The following DMD variants were observed in gnomAD, a reference collection of about 807,000 sequenced individuals.
DMD encodes the protein mutant dystrophin.
In DMD, 63 loss-of-function variants were observed where a neutral mutation model predicts 330.1. The observed-to-expected ratio is 0.19, with a 90% confidence interval of 0.16 to 0.24. DMD has a LOEUF of 0.24. Ranked by LOEUF, DMD falls within the 10% of genes least tolerant of loss-of-function variation. The pLI is 1.00. For synonymous variants in DMD, 1,223 were observed against 959.8 expected, an observed-to-expected ratio of 1.27 and a Z score of -5.07; for missense variants, 3,344 against 2,684.1, an observed-to-expected ratio of 1.25 and a Z score of -5.43.
chrX:32,839,874 C>G (rs907547907), intron 4 of DMD, among the ~76,000 whole-genome samples: 3 of 111,087 alleles, frequency 2.7e-5, no homozygotes, highest in African/African-American at 9.8e-5. Context: ...CCACGCTCAG[C>G]TAATTTTTGT....
intron 11 of DMD, among the ~76,000 whole-genome samples, chrX:32,642,138 G>A (rs1045427950): frequency 9.8e-5 from 11 of 111,747 alleles, no homozygotes; most frequent in Non-Finnish European, 7.5e-5. Context: ...TAGGTTTTAT[G>A]CACGAACACA....
intron 23 of DMD, among the ~76,000 whole-genome samples, chrX:32,467,094 A>T (rs1172452663): frequency 8.9e-6 from 1 of 112,169 alleles, no homozygotes; most frequent in Non-Finnish European, 1.9e-5. Context: ...ATAGGTATGC[A>T]TGTACACATA....
At chrX:32,323,196 A>T (rs886815955) in intron 41 of DMD, among the ~76,000 whole-genome samples, 1 of 112,088 alleles carries the variant, frequency 8.9e-6, no homozygotes, top group Non-Finnish European at 1.9e-5. Flanking sequence ...AATAATCTAG[A>T]GATGATATGA....
chrX:33,325,515 G>A (rs145366537), intron 1 of DMD, among the ~76,000 whole-genome samples: 32 of 112,099 alleles, frequency 2.9e-4, no homozygotes, highest in African/African-American at 1.0e-3. Flanking sequence ...CAGCCTCAAG[G>A]CACCTGTGTG....
At chrX:33,269,323 G>A (rs1409499963) in intron 1 of DMD, among the ~76,000 whole-genome samples, 1 of 111,076 alleles carries the variant, frequency 9.0e-6, no homozygotes, top group African/African-American at 3.3e-5. Flanking sequence ...TATATTAAGC[G>A]AAGTAATGCA....
At chrX:32,616,026 C>A (rs1346556332) in intron 11 of DMD, among the ~76,000 whole-genome samples, 2 of 110,828 alleles carry the variant, frequency 1.8e-5, no homozygotes, top group African/African-American at 6.5e-5. Context: ...AAAGTGCTGG[C>A]CAGGCTGGTA....
intron 59 of DMD, among the ~76,000 whole-genome samples, chrX:31,464,743 A>T (rs1054720257): frequency 8.9e-6 from 1 of 112,772 alleles, no homozygotes; most frequent in East Asian, 2.8e-4. Flanking sequence ...TTAGCTTTTA[A>T]GTCTCCCTAA....
intron 42 of DMD, among the ~76,000 whole-genome samples, chrX:32,304,139 T>TA (rs1247289216): frequency 1.8e-5 from 2 of 111,063 alleles, no homozygotes; most frequent in Non-Finnish European, 3.8e-5. Flanking sequence ...ATATCACACA[T>TA]AAAAAACGAC....
intron 48 of DMD, among the ~76,000 whole-genome samples, chrX:31,867,291 G>A (rs904823862): frequency 1.8e-5 from 2 of 108,789 alleles, no homozygotes; most frequent in Non-Finnish European, 3.8e-5. Context: ...GATTTTGTAT[G>A]TCCTTGAATT....
At chrX:32,651,742 C>A (rs1372655357) in intron 9 of DMD, among the ~76,000 whole-genome samples, 1 of 111,763 alleles carries the variant, frequency 8.9e-6, no homozygotes, top group Admixed American at 9.5e-5. Context: ...CAAAACATCT[C>A]ATGTACCCCA....
chrX:32,024,255 C>T (rs890952797), intron 44 of DMD, among the ~76,000 whole-genome samples: 15 of 110,738 alleles, frequency 1.4e-4, no homozygotes, highest in African/African-American at 4.3e-4. Context: ...GAGGCCAAGG[C>T]GGGCGGACTG....
chrX:31,122,895 C>T (rs1212150068), intron 78 of DMD, among the ~76,000 whole-genome samples: 1 of 111,613 alleles, frequency 9.0e-6, no homozygotes, highest in Non-Finnish European at 1.9e-5. Flanking sequence ...TTATGGCTTG[C>T]CTTTTCGTCT....
chrX:31,753,909 A>G (rs1375902731), intron 51 of DMD, among the ~76,000 whole-genome samples: 3 of 111,464 alleles, frequency 2.7e-5, no homozygotes, highest in Non-Finnish European at 5.7e-5. Flanking sequence ...ATGTTAACCA[A>G]CTTTTTCTAT....
rs184599501 is a variant in DMD, at chrX:32,139,800, T to A, written c.6438+77116A>T. 6.7e-3 allele frequency among the ~76,000 whole-genome samples: 756 copies of A among 112,492 alleles called. 10 individuals are homozygous for A. The highest frequency in any genetic ancestry group is 0.023 in the African/African-American group (699 of 31,016). ...CTATGAATATTTCACAATAAAAAAATCTTAAAACATTCTTAAAACTTTATA... is the reference window on the plus strand; with the variant it reads ...CTATGAATATTTCACAATAAAAAAAACTTAAAACATTCTTAAAACTTTATA... On this transcript the variant is annotated intron_variant, in intron 44 of 78. Coordinates refer to ENST00000357033, the MANE Select transcript of DMD (RefSeq NM_004006.3).
chrX:32,869,410 T>C (rs2082773203), intron 2 of DMD, among the ~76,000 whole-genome samples: 1 of 110,700 alleles, frequency 9.0e-6, no homozygotes, highest in African/African-American at 3.3e-5. Flanking sequence ...GACGGCTGAA[T>C]TGACAGAAGT....
At chrX:33,063,459 GATA>G (rs2094605535) in intron 1 of DMD, among the ~76,000 whole-genome samples, 1 of 111,822 alleles carries the variant, frequency 8.9e-6, no homozygotes, top group Admixed American at 9.5e-5. Flanking sequence ...AAGTAAGATA[GATA>G]ATAATTATAA....
chrX:31,286,618 A>C (rs190819388), intron 62 of DMD, among the ~76,000 whole-genome samples: 5 of 112,616 alleles, frequency 4.4e-5, no homozygotes, highest in Non-Finnish European at 5.6e-5. Context: ...GAAATGCAGA[A>C]CATCATGTCT....
intron 62 of DMD, among the ~76,000 whole-genome samples, chrX:31,318,199 C>T (rs2056181160): frequency 8.9e-6 from 1 of 111,919 alleles, no homozygotes; most frequent in South Asian, 3.8e-4. Flanking sequence ...GATTCAGATG[C>T]TACTGGAGTT....
chrX:32,910,131 C>A (rs185368085), intron 2 of DMD, among the ~76,000 whole-genome samples: 1 of 111,811 alleles, frequency 8.9e-6, no homozygotes, highest in East Asian at 2.8e-4. Flanking sequence ...ATTGCACACA[C>A]ACACACGCGG....
Sources: gnomAD v4.1 joint callset for allele counts (sites outside exome capture counted in the v4.1 genomes callset) on GRCh38, gnomAD v4.1.1 for gene constraint, MANE v1.5 for transcripts, NCBI Gene and HGNC (gene_info 2026-07-23, HGNC 2026-07-21) for gene names.